The following DACH1 variants were observed in gnomAD, a reference collection of about 807,000 sequenced individuals.
DACH1 encodes dachshund homolog 1.
In DACH1, 12 loss-of-function variants were observed where a neutral mutation model predicts 54.2. The ratio of observed to expected loss-of-function variants is 0.22; its 90% CI spans 0.14 to 0.36. DACH1 has a LOEUF of 0.36. Ranked by LOEUF, DACH1 falls within the 10% of genes least tolerant of loss-of-function variation. The pLI is 1.00. For missense variants in DACH1, 805 were observed against 929.8 expected (o/e 0.87, Z 1.75); for synonymous variants, 386 against 366.2 (o/e 1.05, Z -0.62).
Position 71,502,170 on chromosome 13 carries a change from C to T in DACH1, c.1571-13022G>A, listed in dbSNP as rs1449280673. Among the ~76,000 whole-genome samples, 5 of 152,064 alleles carry T rather than the reference C, an allele frequency of 3.3e-5. No homozygotes were observed. In the South Asian group the frequency reaches 8.3e-4, roughly 25 times the overall value. ...GTAGAGATTTTCCATTTCACTCCTC[C>T]GCCTTAGGACTTGACTTATTCCCTA... On this transcript the variant is annotated intron_variant, in intron 6 of 10. Transcript: ENST00000613252.
intron 6 of DACH1, among the ~76,000 whole-genome samples, chr13:71,524,595 T>C (rs957877060): frequency 1.3e-5 from 2 of 152,138 alleles, no homozygotes; most frequent in African/African-American, 2.4e-5. Flanking sequence ...TATTAATAAA[T>C]ATAGTTTGTA....
At chr13:71,490,583 A>G (rs1011668510) in intron 6 of DACH1, among the ~76,000 whole-genome samples, 3 of 152,242 alleles carry the variant, frequency 2.0e-5, no homozygotes, top group Non-Finnish European at 2.9e-5. Context: ...TAAGCAAACT[A>G]AAGTAGGACT....
At chr13:71,835,003 T>G (rs1888727454) in intron 1 of DACH1, among the ~76,000 whole-genome samples, 1 of 151,996 alleles carries the variant, frequency 6.6e-6, no homozygotes, top group South Asian at 2.1e-4. Flanking sequence ...GCCCAGGAAT[T>G]TGCCAAACAG....
At chr13:71,823,179 T>C (rs1461099990) in intron 1 of DACH1, among the ~76,000 whole-genome samples, 1 of 152,120 alleles carries the variant, frequency 6.6e-6, no homozygotes, top group African/African-American at 2.4e-5. Flanking sequence ...AACCCTTTCA[T>C]TAAAATGCCC....
chr13:71,585,042 C>T (rs1057347577), intron 3 of DACH1, among the ~76,000 whole-genome samples: 1 of 151,970 alleles, frequency 6.6e-6, no homozygotes, highest in Non-Finnish European at 1.5e-5. Flanking sequence ...TATTAGAGAA[C>T]AAAATAGACA....
intron 6 of DACH1, among the ~76,000 whole-genome samples, chr13:71,504,068 A>G (rs572118592): frequency 8.5e-5 from 13 of 152,274 alleles, no homozygotes; most frequent in South Asian, 4.1e-4. Flanking sequence ...TCTACTATAT[A>G]TAAGTTAAAA....
intron 1 of DACH1, among the ~76,000 whole-genome samples, chr13:71,741,534 T>C (rs1309436874): frequency 6.6e-6 from 1 of 152,134 alleles, no homozygotes; most frequent in African/African-American, 2.4e-5. Flanking sequence ...GTATTTTTAT[T>C]TTTCTGTTGA....
intron 1 of DACH1, among the ~76,000 whole-genome samples, chr13:71,713,217 C>T (rs1406295955): frequency 4.6e-5 from 7 of 151,984 alleles, no homozygotes; most frequent in Admixed American, 4.6e-4. Flanking sequence ...CTGATACTAT[C>T]AACCCAAGGG....
chr13:71,818,032 C>T (rs887497762), intron 1 of DACH1, among the ~76,000 whole-genome samples: 14 of 151,922 alleles, frequency 9.2e-5, no homozygotes, highest in African/African-American at 3.4e-4. Flanking sequence ...AGACTGGTCT[C>T]AAACTCCTGA....
At chr13:71,614,993 T>TA in intron 3 of DACH1, among the ~76,000 whole-genome samples, 1 of 152,074 alleles carries the variant, frequency 6.6e-6, no homozygotes, top group South Asian at 2.1e-4. Context: ...TATCTGTTTC[T>TA]AACTAAAATC....
intron 1 of DACH1, among the ~76,000 whole-genome samples, chr13:71,746,075 G>A (rs1324433684): frequency 6.6e-6 from 1 of 152,044 alleles, no homozygotes; most frequent in African/African-American, 2.4e-5. Context: ...AAAATTAGCT[G>A]GGCGTGGTGG....
chr13:71,838,626 T>C (rs976901942), intron 1 of DACH1, among the ~76,000 whole-genome samples: 1 of 152,198 alleles, frequency 6.6e-6, no homozygotes, highest in African/African-American at 2.4e-5. Context: ...GAGAGTTGAG[T>C]TAAAAAGCAA....
intron 3 of DACH1, among the ~76,000 whole-genome samples, chr13:71,627,683 C>A (rs1876758877): frequency 1.3e-5 from 2 of 152,080 alleles, no homozygotes; most frequent in Admixed American, 6.6e-5. Flanking sequence ...TGCTTACCTA[C>A]CTATCTCATC....
intron 1 of DACH1, among the ~76,000 whole-genome samples, chr13:71,802,540 T>C (rs303934): frequency 0.53 from 81,013 of 151,558 alleles, 23,336 homozygotes; most frequent in East Asian, 0.86. Flanking sequence ...AACCAGAAAA[T>C]GTGGCAAGTA....
chr13:71,804,159 A>T (rs1285933911), intron 1 of DACH1, among the ~76,000 whole-genome samples: 1 of 152,006 alleles, frequency 6.6e-6, no homozygotes, highest in African/African-American at 2.4e-5. Context: ...ACTCTACAAT[A>T]AATTTAAAAC....
At chr13:71,833,041 C>T (rs976984377) in intron 1 of DACH1, among the ~76,000 whole-genome samples, 13 of 151,798 alleles carry the variant, frequency 8.6e-5, no homozygotes, top group Middle Eastern at 3.2e-3. Flanking sequence ...AGGGAAGTTG[C>T]GCTCCCTTCA....
chr13:71,573,391 T>A (rs1262907693), intron 3 of DACH1: 1 of 714,062 alleles, frequency 1.4e-6, no homozygotes, highest in Non-Finnish European at 2.6e-6. Flanking sequence ...AAACTATGAT[T>A]TTTAATACTA....
intron 1 of DACH1, among the ~76,000 whole-genome samples, chr13:71,744,812 G>T (rs1375334597): frequency 2.0e-5 from 3 of 152,100 alleles, no homozygotes; most frequent in Non-Finnish European, 2.9e-5. Context: ...AACATCATAG[G>T]TTAAAAGTGT....
At chr13:71,779,997 TGAAGGAAG>T (rs200586971) in intron 1 of DACH1, among the ~76,000 whole-genome samples, 1 of 151,882 alleles carries the variant, frequency 6.6e-6, no homozygotes, top group African/African-American at 2.4e-5. Context: ...AAACATCCTA[TGAAGGAAG>T]GAATGAATGA....
Sources: gnomAD v4.1 joint callset for allele counts (sites outside exome capture counted in the v4.1 genomes callset) on GRCh38, gnomAD v4.1.1 for gene constraint, MANE v1.5 for transcripts, NCBI Gene and HGNC (gene_info 2026-07-23, HGNC 2026-07-21) for gene names.